ZNF221: variants seen among roughly 807,000 people sequenced by gnomAD.
ZNF221 encodes the protein zinc finger protein 221.
Under a neutral mutation model 12.6 loss-of-function variants are expected in ZNF221, and 10 were observed. That is an observed-to-expected ratio of 0.79 (90% CI 0.49 to 1.34). The LOEUF (loss-of-function observed/expected upper bound fraction) is 1.34. Among genes scored for constraint, ZNF221 ranks in the 40% most tolerant of loss-of-function variants. ZNF221 has a pLI of 0.00. For synonymous variants in ZNF221, 232 were observed against 244.0 expected, an observed-to-expected ratio of 0.95 and a Z score of 0.46; for missense variants, 661 against 721.4, an observed-to-expected ratio of 0.92 and a Z score of 0.96.
At chr19:43,958,573 T>C (rs887973251) in intron 1 of ZNF221, among the ~76,000 whole-genome samples, 3 of 152,182 alleles carry the variant, frequency 2.0e-5, no homozygotes, top group Non-Finnish European at 4.4e-5. Context: ...TGGTTAAATA[T>C]TGAGTTTATT....
the ZNF221 span, among the ~76,000 whole-genome samples, chr19:43,979,819 T>G: frequency 6.6e-6 from 1 of 152,252 alleles, no homozygotes; most frequent in Non-Finnish European, 1.5e-5. Context: ...ATGAGTTTTC[T>G]AAATCAATTC....
Position 43,966,773 on chromosome 19 carries a change from G to C in ZNF221, c.1271G>C (p.Cys424Ser). 1 of 1,614,202 alleles carries C rather than the reference G, an allele frequency of 6.2e-7. No individual in the cohort carries two copies. The highest frequency in any genetic ancestry group is 8.5e-7 in the Non-Finnish European group (1 of 1,180,044). The change falls in exon 5 of 5, where the codon TGT becomes TCT. Residue 424 changes from cysteine to serine, a missense_variant. By Grantham distance (112) the Cys-to-Ser change is moderately radical. Transcript: ENST00000587682. ...CACAGTGGACAAAAATCCTTCAAAT[G>C]TGAAGAATGTGGGAAGGGATTTTAT... The part of the protein sequence containing the change: ...QVHSGQKSFK[C>S]EECGKGFYTN...
At chr19:43,965,542 A>C (rs1485792845) in intron 4 of ZNF221, among the ~76,000 whole-genome samples, 1 of 152,260 alleles carries the variant, frequency 6.6e-6, no homozygotes, top group Non-Finnish European at 1.5e-5. Context: ...TAGGAAATTT[A>C]CCAGAATTAG....
At position 43,965,303 on chromosome 19, in the gene ZNF221, A is replaced by G; in HGVS notation, c.279A>G (p.Thr93=). Residue 93 remains threonine (T), a synonymous_variant, in exon 4 of 5, where the codon ACA becomes ACG. Transcript: ENST00000587682. ...AAAAGTTTTGGAAGATGAAGACAAC[A>G]AGCCAAAGAGAAGGGAATTCAGGTA... ...GKEKFWKMKT[T]SQREGNSGGK... 6.2e-7 allele frequency: 1 copy of G among 1,613,562 alleles called. No homozygotes were observed. The highest frequency in any genetic ancestry group is 8.5e-7 in the Non-Finnish European group (1 of 1,179,748).
chr19:43,956,743 A>G (rs1298674092), intron 1 of ZNF221, among the ~76,000 whole-genome samples: 2 of 152,252 alleles, frequency 1.3e-5, no homozygotes, highest in African/African-American at 2.4e-5. Flanking sequence ...AGGATCCACC[A>G]AACTTTCAAT....
downstream of ZNF221, among the ~76,000 whole-genome samples, chr19:43,971,313 A>C (rs1474098966): frequency 6.6e-6 from 1 of 152,190 alleles, no homozygotes; most frequent in Non-Finnish European, 1.5e-5. Context: ...ACACTGAAGT[A>C]CATAGACCAA....
chr19:43,979,312 A>T, the ZNF221 span, among the ~76,000 whole-genome samples: 1 of 151,970 alleles, frequency 6.6e-6, no homozygotes, highest in Non-Finnish European at 1.5e-5. Flanking sequence ...GGTGTACTGA[A>T]TATTAATTTT....
the ZNF221 span, among the ~76,000 whole-genome samples, chr19:43,972,869 T>A: frequency 1.3e-5 from 2 of 151,256 alleles, no homozygotes; most frequent in African/African-American, 4.9e-5. Flanking sequence ...TCCAAACAAT[T>A]GAAAAGAAGG....
At chr19:43,951,849 C>CTTTTTTTTTT (rs758081943) in intron 1 of ZNF221, among the ~76,000 whole-genome samples, 2 of 62,596 alleles carry the variant, frequency 3.2e-5, no homozygotes, top group African/African-American at 6.6e-5. Context: ...TCTTTGACCT[C>CTTTTTTTTTT]TTTTTTTTTT....
intron 4 of ZNF221, 38 bp downstream of exon 4, chr19:43,965,363 C>T (rs760440687): frequency 3.2e-6 from 5 of 1,546,424 alleles, no homozygotes; most frequent in Non-Finnish European, 4.4e-6. Context: ...GTACATGACT[C>T]TTCCATCTGT....
At chr19:43,972,762 C>CTAAAAAAAAAAAAAA in the ZNF221 span, among the ~76,000 whole-genome samples, 1 of 5,764 alleles carries the variant, frequency 1.7e-4, no homozygotes, top group Non-Finnish European at 1.6e-3. Flanking sequence ...TAATAGTCTA[C>CTAAAAAAAAAAAAAA]CAAAAAAAAA....
chr19:43,966,815 C>A lies in ZNF221; in HGVS notation c.1313C>A (p.Ser438Tyr). 6.2e-7 allele frequency: 1 copy of A among 1,614,168 alleles called. No individual in the cohort carries two copies. The change falls in exon 5 of 5, where the codon TCT becomes TAT. Residue 438 changes from serine to tyrosine, a missense_variant. Transcript: ENST00000587682. The part of the protein sequence containing the change: ...GKGFYTNSRR[S>Y]SHQRSHNGEK... ...GGATTTTATACAAATTCACGACGAT[C>A]TTCCCATCAGAGATCCCACAATGGA...
chr19:43,958,215 T>C (rs1412729649), intron 1 of ZNF221, among the ~76,000 whole-genome samples: 1 of 152,218 alleles, frequency 6.6e-6, no homozygotes, highest in African/African-American at 2.4e-5. Context: ...CATGCCTCTT[T>C]TTAGAAACTT....
chr19:43,972,763 C>CAAAA, the ZNF221 span, among the ~76,000 whole-genome samples: 4,561 of 67,808 alleles, frequency 0.067, 396 homozygotes, highest in East Asian at 0.15. Flanking sequence ...AATAGTCTAC[C>CAAAA]AAAAAAAAAA....
chr19:43,964,875 T>C, intron 2 of ZNF221, 75 bp from the exon 3 acceptor site: 1 of 1,595,388 alleles, frequency 6.3e-7, no homozygotes, highest in Non-Finnish European at 8.6e-7. Flanking sequence ...CCTGTCCCCT[T>C]TGCCTACTTA....
chr19:43,966,770 A>C lies in ZNF221; in HGVS notation c.1268A>C (p.Lys423Thr), dbSNP rs777787747. Residue 423 changes from lysine (K) to threonine (T), a missense_variant, in exon 5 of 5, where the codon AAA becomes ACA. Transcript: ENST00000587682. Reference sequence around the variant, plus strand: ...GTCCACAGTGGACAAAAATCCTTCAAATGTGAAGAATGTGGGAAGGGATTT... The same window carrying C: ...GTCCACAGTGGACAAAAATCCTTCACATGTGAAGAATGTGGGAAGGGATTT... ...QQVHSGQKSF[K>T]CEECGKGFYT... The C allele has an allele frequency of 1.9e-6, 3 of 1,614,130 alleles. No individual in the cohort carries two copies. The South Asian group carries it at 3.3e-5, about 18-fold the overall frequency.
At chr19:43,956,374 A>G (rs1026006810) in intron 1 of ZNF221, among the ~76,000 whole-genome samples, 2 of 152,252 alleles carry the variant, frequency 1.3e-5, no homozygotes, top group Admixed American at 6.5e-5. Context: ...TAGGTAAAGA[A>G]GATACAACTT....
chr19:43,953,589 G>C (rs1974709316), intron 1 of ZNF221, among the ~76,000 whole-genome samples: 1 of 152,110 alleles, frequency 6.6e-6, no homozygotes, highest in Non-Finnish European at 1.5e-5. Context: ...ACCATGCATT[G>C]GTCTTTCAGG....
At chr19:43,953,348 A>G (rs1974705267) in intron 1 of ZNF221, among the ~76,000 whole-genome samples, 1 of 152,008 alleles carries the variant, frequency 6.6e-6, no homozygotes, top group Non-Finnish European at 1.5e-5. Context: ...GCATGTGGGA[A>G]GGGATGCAGA....
Sources: gnomAD v4.1 joint callset for allele counts (sites outside exome capture counted in the v4.1 genomes callset) on GRCh38, gnomAD v4.1.1 for gene constraint, MANE v1.5 for transcripts, NCBI Gene and HGNC (gene_info 2026-07-23, HGNC 2026-07-21) for gene names.